UTRN: variants seen among roughly 807,000 people sequenced by gnomAD.
UTRN encodes dystrophin-related protein 1.
Under a neutral mutation model 463.9 loss-of-function variants are expected in UTRN, and 283 were observed. The observed-to-expected ratio is 0.61, with a 90% CI of 0.55 to 0.67. The LOEUF (loss-of-function observed/expected upper bound fraction) is 0.67. Ranked by LOEUF, UTRN falls within the 30% of genes least tolerant of loss-of-function variation. UTRN has a pLI of 0.00. For missense variants in UTRN, 3,922 were observed against 4,084.3 expected (o/e 0.96, Z 1.08); for synonymous variants, 1,442 against 1,431.5 (o/e 1.01, Z -0.17).
rs570763521 is a variant in UTRN, at chr6:144,477,872, TATCTATCTATCTATCTATC to T, written c.3337-1939_3337-1921del. Among the ~76,000 whole-genome samples the T allele has an allele frequency of 8.3e-3, 1,000 of 120,420 alleles. 12 individuals are homozygous for T. The highest frequency in any genetic ancestry group is 0.027 in the African/African-American group (962 of 35,382). The allele number at this position is 120,420 out of a possible 152,430, so 79.0% of individuals were successfully genotyped here. ...GGTGATAATTAGAAGTTTGTATCTC[TATCTATCTATCTATCTATC>T]TATCTATCTATCTATCTATCCATCC... On this transcript the variant is annotated intron_variant, in intron 25 of 74. Coordinates refer to ENST00000367545, the MANE Select transcript of UTRN (RefSeq NM_007124.3).
chr6:144,326,838 G>A (rs903058262), intron 2 of UTRN, among the ~76,000 whole-genome samples: 2 of 152,096 alleles, frequency 1.3e-5, no homozygotes, highest in African/African-American at 4.8e-5. Context: ...CCCTATCCCT[G>A]AGGAATCCCA....
At chr6:144,460,743 G>A (rs1231957508) in intron 21 of UTRN, among the ~76,000 whole-genome samples, 1 of 152,178 alleles carries the variant, frequency 6.6e-6, no homozygotes, top group East Asian at 1.9e-4. Context: ...TTATTTCTCA[G>A]GGTACCTGGG....
intron 51 of UTRN, among the ~76,000 whole-genome samples, chr6:144,616,534 G>GTT (rs34068161): frequency 7.3e-6 from 1 of 137,384 alleles, no homozygotes; most frequent in African/African-American, 2.6e-5. Context: ...TTGTCTGATA[G>GTT]TTTTTTTTTT....
intron 51 of UTRN, among the ~76,000 whole-genome samples, chr6:144,654,853 G>A (rs967705623): frequency 2.6e-5 from 4 of 152,326 alleles, no homozygotes; most frequent in Middle Eastern, 3.4e-3. Context: ...GCTGACTCCT[G>A]CACCTGGTTG....
In UTRN at chr6:144,424,059, G is replaced by T. The variant is rs1366634176; in HGVS notation, c.386G>T (p.Ser129Ile). The T allele has an allele frequency of 6.2e-7, 1 of 1,614,168 alleles. No individual in the cohort carries two copies. The highest frequency in any genetic ancestry group is 1.3e-5 in the African/African-American group (1 of 75,052). ...NHKLTLGLLW[S>I]IILHWQVKDV... ...AAACTGACTTTGGGGTTACTTTGGA[G>T]CATCATTTTGCACTGGCAGGTGGGG... Residue 129 changes from serine (S) to isoleucine (I), a missense_variant, in exon 6 of 75, where the codon AGC becomes ATC. Physicochemically the swap from Ser to Ile is moderately radical, Grantham distance 142 (BLOSUM62 -2). This residue lies in a region of UTRN where 264 missense variants were observed against 327.9 expected (regional missense o/e 0.81). Coordinates refer to ENST00000367545, the MANE Select transcript of UTRN (RefSeq NM_007124.3).
chr6:144,655,402 A>C (rs1454156357), intron 51 of UTRN, among the ~76,000 whole-genome samples: 7 of 152,246 alleles, frequency 4.6e-5, no homozygotes, highest in African/African-American at 1.7e-4. Flanking sequence ...TTGAATTCTA[A>C]ATCCCAAGTT....
chr6:144,724,008 TCAA>T (rs1458244212), intron 53 of UTRN, among the ~76,000 whole-genome samples: 2 of 36,808 alleles, frequency 5.4e-5, no homozygotes, highest in Admixed American at 4.7e-4. Context: ...AGACTCCATC[TCAA>T]AAAAAAAAAA....
chr6:144,437,547 A>G lies in UTRN; in HGVS notation c.1060-18A>G, dbSNP rs1166144100. 6.3e-7 allele frequency: 1 copy of G among 1,578,402 alleles called. No individual in the cohort carries two copies. On this transcript the variant is annotated intron_variant, in intron 10 of 74. Coordinates refer to ENST00000367545, the MANE Select transcript of UTRN (RefSeq NM_007124.3). ...TTGCACTGAGTAGCTCACAAATTAT[A>G]ACAATGTCCCTTTCTAGGCTTTTAT...
chr6:144,594,105 A>G (rs1803394714), intron 51 of UTRN, among the ~76,000 whole-genome samples: 1 of 152,212 alleles, frequency 6.6e-6, no homozygotes, highest in African/African-American at 2.4e-5. Context: ...AGCAAAAATG[A>G]AAAATAATTC....
intron 51 of UTRN, among the ~76,000 whole-genome samples, chr6:144,590,876 GCACATGCA>G (rs1802987492): frequency 1.0e-5 from 1 of 100,326 alleles, no homozygotes; most frequent in Non-Finnish European, 2.0e-5. Context: ...ACACACACAC[GCACATGCA>G]CACACACACA....
intron 9 of UTRN, among the ~76,000 whole-genome samples, chr6:144,431,425 C>A (rs1199129155): frequency 6.6e-6 from 1 of 152,208 alleles, no homozygotes; most frequent in Non-Finnish European, 1.5e-5. Context: ...TAATTGAAAA[C>A]TAAAATGTGA....
chr6:144,743,415 G>A (rs1483487300), intron 54 of UTRN, among the ~76,000 whole-genome samples: 1 of 152,170 alleles, frequency 6.6e-6, no homozygotes, highest in Non-Finnish European at 1.5e-5. Context: ...CTTTGCATAA[G>A]CACTCAAAGG....
At chr6:144,841,308 T>C (rs1465226617) in intron 73 of UTRN, among the ~76,000 whole-genome samples, 2 of 152,222 alleles carry the variant, frequency 1.3e-5, no homozygotes, top group Non-Finnish European at 2.9e-5. Flanking sequence ...GATTTTCCCT[T>C]TTTATTCCCG....
At chr6:144,361,688 A>C (rs1195710472) in intron 2 of UTRN, among the ~76,000 whole-genome samples, 1 of 152,096 alleles carries the variant, frequency 6.6e-6, no homozygotes, top group African/African-American at 2.4e-5. Context: ...TTCTGGGTTC[A>C]AGTGATCCTC....
intron 52 of UTRN, among the ~76,000 whole-genome samples, chr6:144,698,916 TGAGAG>T (rs1164418028): frequency 6.6e-6 from 1 of 152,208 alleles, no homozygotes; most frequent in Non-Finnish European, 1.5e-5. Flanking sequence ...CACCTTTAAA[TGAGAG>T]TATAAAGTAC....
At chr6:144,583,357 C>G in intron 51 of UTRN, 1 of 525,240 alleles carries the variant, frequency 1.9e-6, no homozygotes, top group Non-Finnish European at 3.5e-6. Context: ...ACCTAACCCC[C>G]TGTATCTTTC....
chr6:144,701,846 T>C (rs1387323870), intron 53 of UTRN, among the ~76,000 whole-genome samples: 1 of 152,198 alleles, frequency 6.6e-6, no homozygotes, highest in African/African-American at 2.4e-5. Context: ...AATTACCATT[T>C]GGGTGTATTT....
At chr6:144,691,894 T>A (rs1783457942) in intron 52 of UTRN, among the ~76,000 whole-genome samples, 1 of 152,344 alleles carries the variant, frequency 6.6e-6, no homozygotes. Context: ...TTTATTTTAT[T>A]TAACTTTTAC....
intron 60 of UTRN, among the ~76,000 whole-genome samples, chr6:144,779,837 C>A (rs1397679270): frequency 6.6e-6 from 1 of 151,858 alleles, no homozygotes; most frequent in Non-Finnish European, 1.5e-5. Flanking sequence ...TCATATGAAG[C>A]TTATTTGACT....
Sources: allele counts gnomAD v4.1 joint callset (sites outside exome capture counted in the v4.1 genomes callset), GRCh38; gene constraint gnomAD v4.1.1; regional missense constraint gnomAD v4.1.1; transcripts MANE v1.5; gene names NCBI Gene and HGNC (gene_info 2026-07-23, HGNC 2026-07-21).